KITLG: variants seen among roughly 807,000 people sequenced by gnomAD.
KITLG encodes c-Kit ligand.
A neutral mutation model predicts 34.1 loss-of-function variants in KITLG; 13 were observed. That is an observed-to-expected ratio of 0.38 (90% CI 0.25 to 0.61). KITLG has a LOEUF of 0.61. KITLG is among the 20% of genes least tolerant of loss of function. The pLI, the probability that KITLG is intolerant of heterozygous loss-of-function variation, is 0.60. For synonymous variants in KITLG, 110 were observed against 104.0 expected, an observed-to-expected ratio of 1.06 and a Z score of -0.35; for missense variants, 292 against 318.9, an observed-to-expected ratio of 0.92 and a Z score of 0.64.
At position 88,575,042 on chromosome 12, in the gene KITLG, A is replaced by T. The variant is rs534168948; in HGVS notation, c.15+5222T>A. The stretch of plus-strand genomic sequence containing the variant: ...TTATAATGTGCATTCACACTGAAGC[A>T]ATGGCTGCATAAATCTGAGAACTGA... On this transcript the variant is annotated intron_variant, in intron 1 of 9. Coordinates refer to ENST00000644744, the MANE Select transcript of KITLG (RefSeq NM_000899.5). Among the ~76,000 whole-genome samples, 6 of 152,334 alleles carry T rather than the reference A, an allele frequency of 3.9e-5. No individual in the cohort carries two copies. The East Asian group carries it at 1.2e-3, about 29-fold the overall frequency.
In KITLG at chr12:88,496,339, A is replaced by T. The variant is rs1868640373; in HGVS notation, c.*880T>A. On this transcript the variant is annotated 3_prime_UTR_variant, in exon 10 of 10. Transcript: ENST00000644744. ...AAGTCCCTTTACATAGCTCTGTAATAGTTTTAGAATATAAACACATCATAA... is the reference window on the plus strand; with the variant it reads ...AAGTCCCTTTACATAGCTCTGTAATTGTTTTAGAATATAAACACATCATAA... 1 of 152,178 alleles carries T rather than the reference A, an allele frequency of 6.6e-6. No homozygotes were observed. Among genetic ancestry groups the T allele is most frequent in the African/African-American group, 2.4e-5 (1 of 41,454 alleles). 9.4% of individuals were successfully genotyped at this position (152,178 alleles called of 1,614,324 possible). A position where few individuals can be genotyped will look rare whatever the true frequency, so the allele number is the denominator to read the frequency against.
At chr12:88,531,876 T>C (rs951830050) in intron 3 of KITLG, among the ~76,000 whole-genome samples, 1 of 151,950 alleles carries the variant, frequency 6.6e-6, no homozygotes, top group Non-Finnish European at 1.5e-5. Context: ...ATAAAGCAAA[T>C]TTTAAAAGCA....
Position 88,500,445 on chromosome 12 carries a change from T to A in KITLG, c.*38-3264A>T, listed in dbSNP as rs146733690. Among the ~76,000 whole-genome samples, 512 of 152,352 alleles carry A rather than the reference T, an allele frequency of 3.4e-3. 4 individuals carry two copies. Among genetic ancestry groups the A allele is most frequent in the African/African-American group, 0.012 (496 of 41,588 alleles). ...AAAAATTGGTTATTATGTATATGTC[T>A]GATTTCCTTTTGTAGGCTATAAACA... On this transcript the variant is annotated intron_variant, in intron 9 of 9. Transcript: ENST00000644744.
chr12:88,574,546 G>T (rs1450913952), intron 1 of KITLG, among the ~76,000 whole-genome samples: 3 of 152,098 alleles, frequency 2.0e-5, no homozygotes, highest in Non-Finnish European at 4.4e-5. Context: ...ACTATCTTGG[G>T]CATGATTCAG....
Position 88,545,849 on chromosome 12 carries a change from C to A in KITLG, c.32G>T (p.Cys11Phe). ...AAATAGGAGCAGCTGAAGATAAATG[C>A]AAGTGAGAATCCAAGTCTAAATGAA... is the stretch of plus-strand genomic sequence containing the variant. MKKTQTWILT[C>F]IYLQLLLFNP... is the part of the protein sequence containing the mutation. The change falls in exon 2 of 10, where the codon TGC becomes TTC. Residue 11 changes from cysteine to phenylalanine, a missense_variant. Coordinates refer to ENST00000644744, the MANE Select transcript of KITLG (RefSeq NM_000899.5). The A allele has an allele frequency of 6.2e-7, 1 of 1,607,454 alleles. No homozygotes were observed.
chr12:88,545,809 T>A lies in KITLG; in HGVS notation c.72A>T (p.Lys24Asn), dbSNP rs754910466. The change falls in exon 2 of 10, where the codon AAA becomes AAT. Residue 24 changes from lysine to asparagine, a missense_variant. Lys to Asn is a moderately conservative substitution (Grantham distance 94). This residue lies in a region of KITLG where 152 missense variants were observed against 207.9 expected (regional missense o/e 0.73). Coordinates refer to ENST00000644744, the MANE Select transcript of KITLG (RefSeq NM_000899.5). ...LQLLLFNPLV[K>N]TEGICRNRVT... ...CACGATTCCTGCAGATCCCTTCAGT[T>A]TTGACGAGAGGATTAAATAGGAGCA... is the stretch of plus-strand genomic sequence containing the variant. 22 of 1,613,112 alleles carry A rather than the reference T, an allele frequency of 1.4e-5. No individual in the cohort carries two copies. Among genetic ancestry groups the A allele is most frequent in the Admixed American group, 1.3e-4 (8 of 60,014 alleles).
At chr12:88,536,661 A>C (rs886962956) in intron 2 of KITLG, among the ~76,000 whole-genome samples, 1 of 152,258 alleles carries the variant, frequency 6.6e-6, no homozygotes, top group Non-Finnish European at 1.5e-5. Context: ...AGCCATAAAA[A>C]GGATGAGTTC....
intron 1 of KITLG, among the ~76,000 whole-genome samples, chr12:88,553,365 T>A (rs1870985987): frequency 6.6e-6 from 1 of 152,232 alleles, no homozygotes; most frequent in African/African-American, 2.4e-5. Flanking sequence ...CTAATGGAGA[T>A]ACACTGAAGC....
At chr12:88,574,337 G>A (rs1592591327) in intron 1 of KITLG, among the ~76,000 whole-genome samples, 1 of 152,032 alleles carries the variant, frequency 6.6e-6, no homozygotes, top group African/African-American at 2.4e-5. Context: ...TAGCTGCTGG[G>A]TTTGCTCCAG....
At position 88,580,188 on chromosome 12, in the gene KITLG, G is replaced by T; in HGVS notation, c.15+76C>A. ...GCACGCCCCAGCTGCAAGTCCCAGGGAGCGCCGGCTTCCCCGGGGCACCGG... is the reference window on the plus strand; with the variant it reads ...GCACGCCCCAGCTGCAAGTCCCAGGTAGCGCCGGCTTCCCCGGGGCACCGG... On this transcript the variant is annotated intron_variant, in intron 1 of 9. Coordinates refer to ENST00000644744, the MANE Select transcript of KITLG (RefSeq NM_000899.5). 3 of 1,477,536 alleles carry T rather than the reference G, an allele frequency of 2.0e-6. No individual in the cohort carries two copies. The African/African-American group carries it at 4.2e-5, about 21-fold the overall frequency. 91.5% of individuals were successfully genotyped at this position (1,477,536 alleles called of 1,614,324 possible).
chr12:88,548,355 G>A (rs1870785719), intron 1 of KITLG, among the ~76,000 whole-genome samples: 2 of 152,100 alleles, frequency 1.3e-5, no homozygotes, highest in South Asian at 4.1e-4. Flanking sequence ...TCGGGAGGCT[G>A]AGGCAGGAGA....
At chr12:88,507,174 T>C in intron 6 of KITLG, 37 bp from the exon 7 acceptor site, 2 of 1,271,534 alleles carry the variant, frequency 1.6e-6, no homozygotes, top group African/African-American at 2.9e-5. Flanking sequence ...ATACAGCATA[T>C]CCATTCTAGA....
At chr12:88,501,484 C>A (rs1167136256) in intron 9 of KITLG, among the ~76,000 whole-genome samples, 1 of 152,182 alleles carries the variant, frequency 6.6e-6, no homozygotes, top group Non-Finnish European at 1.5e-5. Context: ...TCTCCAACCA[C>A]ATCACAGTTT....
intron 9 of KITLG, among the ~76,000 whole-genome samples, chr12:88,500,649 A>G (rs1868817858): frequency 6.6e-6 from 1 of 152,180 alleles, no homozygotes; most frequent in African/African-American, 2.4e-5. Context: ...GCTATCCACA[A>G]CCCAATATGA....
At chr12:88,567,480 G>C (rs868696696) in intron 1 of KITLG, among the ~76,000 whole-genome samples, 1 of 152,134 alleles carries the variant, frequency 6.6e-6, no homozygotes, top group Non-Finnish European at 1.5e-5. Context: ...TGAAGTAATG[G>C]ACTGATAAAA....
chr12:88,516,186 G>A (rs1869447835), intron 5 of KITLG, 148 bp downstream of exon 5: 1 of 694,240 alleles, frequency 1.4e-6, no homozygotes, highest in African/African-American at 1.8e-5. Context: ...ACAATCATTA[G>A]TTTCTTCTGT....
intron 1 of KITLG, among the ~76,000 whole-genome samples, chr12:88,555,946 C>T (rs1020301846): frequency 6.6e-6 from 1 of 152,052 alleles, no homozygotes; most frequent in Non-Finnish European, 1.5e-5. Flanking sequence ...AAGGCCCAGC[C>T]CCTCCCTCAA....
In KITLG at chr12:88,546,478, T is replaced by C. The variant is rs190058535; in HGVS notation, c.16-613A>G. 6.9e-4 allele frequency among the ~76,000 whole-genome samples: 105 copies of C among 152,300 alleles called. 1 individual carries two copies. Among genetic ancestry groups the C allele is most frequent in the African/African-American group, 2.3e-3 (95 of 41,560 alleles). ...GGCATTCTTGAACCCTAGCAGAAAG[T>C]AATCTGTCTTCTCTCTCTCTCTCTC... On this transcript the variant is annotated intron_variant, in intron 1 of 9. Coordinates refer to ENST00000644744, the MANE Select transcript of KITLG (RefSeq NM_000899.5).
intron 3 of KITLG, among the ~76,000 whole-genome samples, chr12:88,529,678 C>A (rs1870007139): frequency 6.6e-6 from 1 of 152,224 alleles, no homozygotes; most frequent in South Asian, 2.1e-4. Flanking sequence ...TCCCACTCCA[C>A]CCTCTATTGT....
Sources: allele counts gnomAD v4.1 joint callset (sites outside exome capture counted in the v4.1 genomes callset), GRCh38; gene constraint gnomAD v4.1.1; regional missense constraint gnomAD v4.1.1; transcripts MANE v1.5; gene names NCBI Gene and HGNC (gene_info 2026-07-23, HGNC 2026-07-21).